The following ARB2A variants were observed in gnomAD, a reference collection of about 807,000 sequenced individuals.
The protein encoded by ARB2A is ARB2 cotranscriptional regulator A.
chr5:93,984,578 C>T, the ARB2A span, among the ~76,000 whole-genome samples: 1 of 152,172 alleles, frequency 6.6e-6, no homozygotes, highest in South Asian at 2.1e-4. Flanking sequence ...CCATTGTCTT[C>T]AATTCCCCAA....
chr5:93,901,943 A>T, the ARB2A span, among the ~76,000 whole-genome samples: 1 of 152,126 alleles, frequency 6.6e-6, no homozygotes, highest in Non-Finnish European at 1.5e-5. Flanking sequence ...AGGTAAAATT[A>T]ACAAAACTAG....
the ARB2A span, among the ~76,000 whole-genome samples, chr5:94,018,372 A>G: frequency 2.0e-5 from 3 of 152,142 alleles, no homozygotes; most frequent in African/African-American, 7.2e-5. Flanking sequence ...CACAACTTAC[A>G]TTTGCTGTGT....
chr5:93,782,650 T>G, the ARB2A span, among the ~76,000 whole-genome samples: 1 of 152,142 alleles, frequency 6.6e-6, no homozygotes, highest in Non-Finnish European at 1.5e-5. Flanking sequence ...CCGAACTTTT[T>G]TAAAGTGCCA....
the ARB2A span, among the ~76,000 whole-genome samples, chr5:93,766,621 G>A: frequency 1.3e-5 from 2 of 152,338 alleles, no homozygotes; most frequent in South Asian, 4.1e-4. Flanking sequence ...CATTGTGGAA[G>A]TCAGTGTGGC....
the ARB2A span, among the ~76,000 whole-genome samples, chr5:94,109,734 C>A: frequency 3.9e-5 from 6 of 152,162 alleles, no homozygotes. Flanking sequence ...CAACTCATTC[C>A]TCCATACTTG....
the ARB2A span, among the ~76,000 whole-genome samples, chr5:93,813,715 T>C: frequency 6.6e-6 from 1 of 152,188 alleles, no homozygotes; most frequent in African/African-American, 2.4e-5. Context: ...CTGGTACTTT[T>C]ATTTTGGGTT....
chr5:93,718,939 C>T, the ARB2A span, among the ~76,000 whole-genome samples: 1 of 152,154 alleles, frequency 6.6e-6, no homozygotes, highest in Non-Finnish European at 1.5e-5. Context: ...ATAAATCAAA[C>T]CTACTGATTC....
At chr5:93,656,585 A>G in the ARB2A span, among the ~76,000 whole-genome samples, 15 of 152,308 alleles carry the variant, frequency 9.8e-5, no homozygotes, top group African/African-American at 3.4e-4. Flanking sequence ...CTTACTTTGG[A>G]AAAGTATGGT....
At chr5:93,643,343 A>G in the ARB2A span, among the ~76,000 whole-genome samples, 1 of 152,208 alleles carries the variant, frequency 6.6e-6, no homozygotes, top group Admixed American at 6.5e-5. Context: ...GATTTTCTCA[A>G]AAAAGCAGTT....
the ARB2A span, among the ~76,000 whole-genome samples, chr5:94,077,186 A>G: frequency 1.3e-5 from 2 of 151,674 alleles, no homozygotes; most frequent in East Asian, 3.9e-4. Context: ...CAACCTGGCT[A>G]ACATGGTGAA....
the ARB2A span, among the ~76,000 whole-genome samples, chr5:93,876,741 A>C: frequency 1.3e-5 from 2 of 152,124 alleles, no homozygotes; most frequent in African/African-American, 4.8e-5. Context: ...AATACAAATA[A>C]ATTGAACTTG....
chr5:93,705,845 A>T, the ARB2A span, among the ~76,000 whole-genome samples: 1 of 152,130 alleles, frequency 6.6e-6, no homozygotes, highest in East Asian at 1.9e-4. Flanking sequence ...TTTCAACTCA[A>T]ATAACATTGT....
At chr5:93,927,472 G>T in the ARB2A span, among the ~76,000 whole-genome samples, 1 of 152,130 alleles carries the variant, frequency 6.6e-6, no homozygotes, top group Non-Finnish European at 1.5e-5. Context: ...GCCATAAAAA[G>T]TACATATTCT....
chr5:93,776,136 T>C, the ARB2A span: 1 of 1,566,106 alleles, frequency 6.4e-7, no homozygotes, highest in Admixed American at 1.9e-5. Context: ...ACAGCAATCA[T>C]ATATCTCTCA....
chr5:93,916,744 AT>A, the ARB2A span, among the ~76,000 whole-genome samples: 1 of 152,114 alleles, frequency 6.6e-6, no homozygotes, highest in Admixed American at 6.6e-5. Context: ...TAGAGGAAAC[AT>A]TCCATACAAT....
the ARB2A span, among the ~76,000 whole-genome samples, chr5:94,109,142 G>A: frequency 6.6e-6 from 1 of 152,296 alleles, no homozygotes; most frequent in Middle Eastern, 3.4e-3. Flanking sequence ...ATGGACGAAC[G>A]TTGGAGACAT....
At chr5:93,921,577 T>G in the ARB2A span, among the ~76,000 whole-genome samples, 5 of 151,728 alleles carry the variant, frequency 3.3e-5, no homozygotes, top group East Asian at 1.9e-4. Flanking sequence ...CAGACAAAAG[T>G]GCCCAATTCT....
the ARB2A span, among the ~76,000 whole-genome samples, chr5:93,909,102 T>A: frequency 6.6e-6 from 1 of 151,108 alleles, no homozygotes; most frequent in African/African-American, 2.4e-5. Context: ...ACCTATAAAT[T>A]TTCAAATATA....
chr5:94,092,903 A>G, the ARB2A span, among the ~76,000 whole-genome samples: 1 of 152,178 alleles, frequency 6.6e-6, no homozygotes, highest in African/African-American at 2.4e-5. Context: ...ATTGTTTAAA[A>G]TGTTCTAAAG....
Sources: allele counts gnomAD v4.1 joint callset (sites outside exome capture counted in the v4.1 genomes callset), GRCh38; gene constraint gnomAD v4.1.1; transcripts MANE v1.5; gene names NCBI Gene and HGNC (gene_info 2026-07-23, HGNC 2026-07-21).